Variants in SENP1 observed in about 807,000 individuals in gnomAD.
The protein encoded by SENP1 is sentrin-specific protease 1.
A neutral mutation model predicts 93.0 loss-of-function variants in SENP1; 21 were observed. That is an observed-to-expected ratio of 0.23 (90% CI 0.16 to 0.33). The LOEUF (loss-of-function observed/expected upper bound fraction) is 0.33. Ranked by LOEUF, SENP1 falls within the 10% of genes least tolerant of loss-of-function variation. The pLI is 1.00. For missense variants in SENP1, 591 were observed against 758.7 expected (o/e 0.78, Z 2.60); for synonymous variants, 256 against 259.6 (o/e 0.99, Z 0.13).
At chr12:48,087,223 T>C (rs111989698) in intron 5 of SENP1, among the ~76,000 whole-genome samples, 2,961 of 152,296 alleles carry the variant, frequency 0.019, 76 homozygotes, top group African/African-American at 0.049. Flanking sequence ...AAAGAATATG[T>C]ATACTATAAA....
Position 48,074,557 on chromosome 12 carries a change from T to G in SENP1, c.707A>C (p.Lys236Thr). ...CTGAGATGCACAAGAGTTTCCATTTTTAAACAGTGAGTCTTTCAAAGTATT... is the reference window on the plus strand; with the variant it reads ...CTGAGATGCACAAGAGTTTCCATTTGTAAACAGTGAGTCTTTCAAAGTATT... ...SKNTLKDSLFKNGNSCASQII... is the reference protein window; with the variant it reads ...SKNTLKDSLFTNGNSCASQII... The change falls in exon 8 of 18, where the codon AAA (lysine) becomes ACA (threonine). Residue 236 changes from lysine (K) to threonine (T), a missense_variant. Around this residue, in one of 4 missense-constraint regions of SENP1, gnomAD observed 238 missense variants for 259.1 expected, o/e 0.92. Coordinates refer to ENST00000549518, the MANE Select transcript of SENP1 (RefSeq NM_001267594.2). The G allele has an allele frequency of 1.9e-6, 3 of 1,613,756 alleles. No individual in the cohort carries two copies. The South Asian group carries it at 3.3e-5, about 18-fold the overall frequency.
At chr12:48,091,891 G>A (rs1378213861) in intron 4 of SENP1, among the ~76,000 whole-genome samples, 1 of 151,932 alleles carries the variant, frequency 6.6e-6, no homozygotes, top group East Asian at 1.9e-4. Context: ...ACGTTGCCTG[G>A]GCTGGTCTCA....
Position 48,065,623 on chromosome 12 carries a change from CT to C in SENP1, c.1091del (p.Lys364ArgfsTer23). 1 of 1,560,472 alleles carries C rather than the reference CT, an allele frequency of 6.4e-7. No individual in the cohort carries two copies. Among genetic ancestry groups the C allele is most frequent in the South Asian group, 1.2e-5 (1 of 84,716 alleles). The part of the protein sequence containing the change: ...RERLRQIEEQ[K>X]ALALQLQNQR... ...GGTTTTGAAGCTGTAAGGCCAATGC[CT>C]TCTGTTCTTCAATCTGGCGCAATCT... On this transcript the variant is annotated frameshift_variant, in exon 11 of 18. Coordinates refer to ENST00000549518, the MANE Select transcript of SENP1 (RefSeq NM_001267594.2). LOFTEE classifies it high-confidence loss of function.
chr12:48,084,363 C>G (rs972905755), intron 5 of SENP1, among the ~76,000 whole-genome samples: 2 of 151,302 alleles, frequency 1.3e-5, no homozygotes, highest in African/African-American at 4.9e-5. Flanking sequence ...TTTATACTAT[C>G]TAATGGGAAA....
intron 13 of SENP1, among the ~76,000 whole-genome samples, chr12:48,056,474 ATTAT>A (rs1185003806): frequency 1.6e-5 from 1 of 61,986 alleles, no homozygotes; most frequent in African/African-American, 1.3e-4. Flanking sequence ...ATATAAATAT[ATTAT>A]TTAATATATT....
chr12:48,065,616 C>T lies in SENP1; in HGVS notation c.1099G>A (p.Ala367Thr), dbSNP rs1375873059. ...LRQIEEQKAL[A>T]LQLQNQRLQE... is the part of the protein sequence containing the mutation. ...TTTACCTGGTTTTGAAGCTGTAAGG[C>T]CAATGCCTTCTGTTCTTCAATCTGG... Residue 367 changes from alanine to threonine, a missense_variant, in exon 11 of 18, where the codon GCC becomes ACC. Around this residue, in one of 4 missense-constraint regions of SENP1, gnomAD observed 238 missense variants for 259.1 expected, o/e 0.92. Transcript: ENST00000549518. The T allele has an allele frequency of 6.4e-7, 1 of 1,558,380 alleles. No individual in the cohort carries two copies. Among genetic ancestry groups the T allele is most frequent in the South Asian group, 1.2e-5 (1 of 84,608 alleles).
intron 13 of SENP1, among the ~76,000 whole-genome samples, chr12:48,059,377 A>C (rs1002107223): frequency 6.6e-6 from 1 of 152,118 alleles, no homozygotes; most frequent in Non-Finnish European, 1.5e-5. Flanking sequence ...CTAATCTATT[A>C]ATACTACCTT....
At chr12:48,072,334 C>A (rs1943764252) in intron 8 of SENP1, among the ~76,000 whole-genome samples, 2 of 152,120 alleles carry the variant, frequency 1.3e-5, no homozygotes, top group South Asian at 2.1e-4. Flanking sequence ...TGTTCAGTAA[C>A]CCTTACTTAA....
chr12:48,089,426 C>CTCA, intron 4 of SENP1: 1 of 918,956 alleles, frequency 1.1e-6, no homozygotes, highest in Non-Finnish European at 1.4e-6. Flanking sequence ...ATGTTCAAGA[C>CTCA]TCAGGTACTC....
chr12:48,087,508 C>T (rs1382196918), intron 5 of SENP1, among the ~76,000 whole-genome samples: 2 of 151,900 alleles, frequency 1.3e-5, no homozygotes, highest in Non-Finnish European at 2.9e-5. Context: ...TAATAGTATA[C>T]ACAACATATA....
intron 14 of SENP1, 47 bp downstream of exon 14, chr12:48,048,882 T>A: frequency 7.0e-7 from 1 of 1,429,290 alleles, no homozygotes; most frequent in Non-Finnish European, 9.8e-7. Flanking sequence ...GTGTGTTCTA[T>A]AAGTACATAG....
At chr12:48,056,377 A>G (rs1361724830) in intron 13 of SENP1, among the ~76,000 whole-genome samples, 2 of 115,200 alleles carry the variant, frequency 1.7e-5, no homozygotes, top group Non-Finnish European at 3.2e-5. Context: ...TATTACATAT[A>G]TATTTAATAT....
chr12:48,059,098 TCTTCTA>T (rs1394291012), intron 13 of SENP1, among the ~76,000 whole-genome samples: 1 of 152,220 alleles, frequency 6.6e-6, no homozygotes, highest in African/African-American at 2.4e-5. Context: ...GCATGGTGTT[TCTTCTA>T]CTTGGGGTAT....
chr12:48,074,841 C>T (rs1158659563), intron 6 of SENP1, 48 bp from the exon 7 acceptor site: 2 of 1,225,764 alleles, frequency 1.6e-6, no homozygotes, highest in East Asian at 2.4e-5. Flanking sequence ...TCCAATAAGG[C>T]AAGTATTTCT....
At chr12:48,089,265 A>G in intron 4 of SENP1, 1 of 1,397,236 alleles carries the variant, frequency 7.2e-7, no homozygotes, top group Non-Finnish European at 9.5e-7. Flanking sequence ...TACCCCAACT[A>G]TATCTTGCAA....
chr12:48,043,784 G>C lies in SENP1; in HGVS notation c.*1538C>G, dbSNP rs569743033. The C allele has an allele frequency of 2.6e-5, 4 of 152,650 alleles. No individual in the cohort carries two copies. The highest frequency in any genetic ancestry group is 1.3e-4 in the Admixed American group (2 of 15,278). The allele number at this position is 152,650 out of a possible 1,614,324, so 9.5% of individuals were successfully genotyped here. On this transcript the variant is annotated 3_prime_UTR_variant, in exon 18 of 18. Coordinates refer to ENST00000549518, the MANE Select transcript of SENP1 (RefSeq NM_001267594.2). ...AACAATGGAATATTTAAAAAAAATA[G>C]TTTTCTTTTCAAATTGTAACTTGTG...
rs911881121 is a variant in SENP1, at chr12:48,073,182, T to C, written c.940+1142A>G. ...TTATTACATGGTACAAGGAAAGTAATTAAACAGTGCAATGTAGTATATTTG... is the reference window on the plus strand; with the variant it reads ...TTATTACATGGTACAAGGAAAGTAACTAAACAGTGCAATGTAGTATATTTG... On this transcript the variant is annotated intron_variant, in intron 8 of 17. Coordinates refer to ENST00000549518, the MANE Select transcript of SENP1 (RefSeq NM_001267594.2). Among the ~76,000 whole-genome samples, 6 of 152,310 alleles carry C rather than the reference T, an allele frequency of 3.9e-5. No individual in the cohort carries two copies. The South Asian group carries it at 8.3e-4, about 21-fold the overall frequency.
At chr12:48,102,810 CAAAAAA>C (rs1221712691) in intron 1 of SENP1, among the ~76,000 whole-genome samples, 9 of 83,142 alleles carry the variant, frequency 1.1e-4, no homozygotes, top group African/African-American at 3.2e-4. Flanking sequence ...GACTCCGTCT[CAAAAAA>C]AAAAAAAAAA....
intron 12 of SENP1, among the ~76,000 whole-genome samples, chr12:48,064,352 T>G (rs1377082854): frequency 6.6e-6 from 1 of 152,140 alleles, no homozygotes; most frequent in Non-Finnish European, 1.5e-5. Flanking sequence ...CAAAGAGAAG[T>G]ATGGATAAAG....
Sources: allele counts gnomAD v4.1 joint callset (sites outside exome capture counted in the v4.1 genomes callset), GRCh38; gene constraint gnomAD v4.1.1; regional missense constraint gnomAD v4.1.1; transcripts MANE v1.5; gene names NCBI Gene and HGNC (gene_info 2026-07-23, HGNC 2026-07-21).